NME7: variants seen among roughly 807,000 people sequenced by gnomAD.
NME7 encodes the protein nucleoside diphosphate kinase 7.
A neutral mutation model predicts 49.1 loss-of-function variants in NME7; 41 were observed. That is an observed-to-expected ratio of 0.83 (90% CI 0.65 to 1.08). The LOEUF (loss-of-function observed/expected upper bound fraction) is 1.08, where lower values mean the gene tolerates loss of function less well. Among genes scored for constraint, NME7 ranks in the 50% least tolerant of loss-of-function variants. The pLI is 0.00. For missense variants in NME7, 423 were observed against 463.4 expected, an observed-to-expected ratio of 0.91 and a Z score of 0.80; for synonymous variants, 139 against 150.6, an observed-to-expected ratio of 0.92 and a Z score of 0.56.
chr1:169,292,252 T>C (rs1650535532), intron 6 of NME7, among the ~76,000 whole-genome samples: 1 of 152,122 alleles, frequency 6.6e-6, no homozygotes, highest in African/African-American at 2.4e-5. Flanking sequence ...TAATGAAATA[T>C]TGGTGACCTT....
intron 1 of NME7, among the ~76,000 whole-genome samples, chr1:169,327,654 T>C (rs1652110238): frequency 6.6e-6 from 1 of 152,206 alleles, no homozygotes; most frequent in Non-Finnish European, 1.5e-5. Context: ...TGTATATAAA[T>C]ATATGTTATT....
At chr1:169,157,928 A>C (rs931154226) in intron 11 of NME7, among the ~76,000 whole-genome samples, 2 of 152,136 alleles carry the variant, frequency 1.3e-5, no homozygotes, top group South Asian at 4.1e-4. Context: ...AATTTGTTTA[A>C]GTTTTGTATA....
intron 1 of NME7, among the ~76,000 whole-genome samples, chr1:169,360,542 A>G: frequency 6.6e-6 from 1 of 152,154 alleles, no homozygotes; most frequent in Non-Finnish European, 1.5e-5. Context: ...CCTGCCTCTC[A>G]GATCTCTTCT....
rs535005833 is a variant in NME7 at position 169,210,132 on chromosome 1, A to C, written c.990+20586T>G. Among the ~76,000 whole-genome samples the C allele has an allele frequency of 3.5e-4, 53 of 152,292 alleles. No homozygotes were observed. The South Asian group carries it at 0.011, about 31-fold the overall frequency. ...CAGTGTATTTAATAATTTTAGTCAA[A>C]TAAAACTGAGTAAATCTCAATCTAA... On this transcript the variant is annotated intron_variant, in intron 10 of 11. Coordinates refer to ENST00000367811, the MANE Select transcript of NME7 (RefSeq NM_013330.5).
At chr1:169,341,173 C>T (rs1027220576) in intron 1 of NME7, among the ~76,000 whole-genome samples, 2 of 152,264 alleles carry the variant, frequency 1.3e-5, no homozygotes, top group Non-Finnish European at 1.5e-5. Context: ...GGCCTGGGGC[C>T]CCACTGCTCT....
intron 10 of NME7, among the ~76,000 whole-genome samples, chr1:169,209,790 T>C (rs547217542): frequency 1.5e-4 from 23 of 152,240 alleles, no homozygotes; most frequent in Non-Finnish European, 2.9e-4. Context: ...CTTTCCTCTT[T>C]GCATTGTAGG....
At chr1:169,290,848 T>C (rs956962061) in intron 6 of NME7, among the ~76,000 whole-genome samples, 3 of 152,054 alleles carry the variant, frequency 2.0e-5, no homozygotes, top group Non-Finnish European at 4.4e-5. Flanking sequence ...CATCAAAAAG[T>C]GGGCAAAGTA....
In NME7 at chr1:169,334,890, C is replaced by T. The variant is rs573085244; in HGVS notation, c.4-10390G>A. Among the ~76,000 whole-genome samples, 3 of 152,036 alleles carry T rather than the reference C, an allele frequency of 2.0e-5. 1 individual carries two copies. The South Asian group carries it at 6.2e-4, about 32-fold the overall frequency. On this transcript the variant is annotated intron_variant, in intron 1 of 11. Coordinates refer to ENST00000367811, the MANE Select transcript of NME7 (RefSeq NM_013330.5). Reference sequence around the variant, plus strand: ...ATAAGAAAAAAACAAACAACCCCATCCAAAAGTGGGCAAAGGATATGAACA... The same window carrying T: ...ATAAGAAAAAAACAAACAACCCCATTCAAAAGTGGGCAAAGGATATGAACA...
At chr1:169,147,454 C>A (rs1244544089) in intron 11 of NME7, among the ~76,000 whole-genome samples, 1 of 152,174 alleles carries the variant, frequency 6.6e-6, no homozygotes, top group Non-Finnish European at 1.5e-5. Flanking sequence ...TATGTTCTAG[C>A]TGTGTGGCCC....
intron 10 of NME7, among the ~76,000 whole-genome samples, chr1:169,178,723 T>C (rs930756526): frequency 6.6e-6 from 1 of 152,106 alleles, no homozygotes; most frequent in Non-Finnish European, 1.5e-5. Flanking sequence ...ACTTAGTAAG[T>C]ACCTTTTTGC....
intron 10 of NME7, among the ~76,000 whole-genome samples, chr1:169,183,209 T>A (rs150974698): frequency 2.0e-4 from 30 of 152,340 alleles, no homozygotes; most frequent in Non-Finnish European, 4.1e-4. Context: ...ATAAATGACT[T>A]TTCCAGTTGA....
intron 10 of NME7, among the ~76,000 whole-genome samples, chr1:169,187,787 G>A (rs1660114636): frequency 6.6e-6 from 1 of 152,086 alleles, no homozygotes; most frequent in Non-Finnish European, 1.5e-5. Flanking sequence ...ATTTGATCCT[G>A]TCATTAGCTA....
At chr1:169,141,523 T>C (rs1176969869) in intron 11 of NME7, among the ~76,000 whole-genome samples, 1 of 152,196 alleles carries the variant, frequency 6.6e-6, no homozygotes, top group East Asian at 1.9e-4. Context: ...GGGCCAAGAC[T>C]GCTGTCTACG....
intron 10 of NME7, among the ~76,000 whole-genome samples, chr1:169,201,734 C>T (rs1660557159): frequency 6.6e-6 from 1 of 152,064 alleles, no homozygotes; most frequent in Admixed American, 6.5e-5. Context: ...ATCTGCTTGC[C>T]TGTAGGATTG....
At chr1:169,162,840 AAATAAT>A (rs558013230) in intron 11 of NME7, among the ~76,000 whole-genome samples, 2 of 152,114 alleles carry the variant, frequency 1.3e-5, no homozygotes, top group African/African-American at 4.8e-5. Flanking sequence ...CCTTGTCTCA[AAATAAT>A]AATAATAATA....
intron 11 of NME7, among the ~76,000 whole-genome samples, chr1:169,162,637 A>T (rs1051792736): frequency 6.6e-6 from 1 of 152,136 alleles, no homozygotes; most frequent in Non-Finnish European, 1.5e-5. Flanking sequence ...CAAATCCAGG[A>T]GTTCAAGACC....
chr1:169,189,601 G>C (rs1458991395), intron 10 of NME7, among the ~76,000 whole-genome samples: 1 of 152,140 alleles, frequency 6.6e-6, no homozygotes, highest in Non-Finnish European at 1.5e-5. Flanking sequence ...GACTAATATA[G>C]ATAGAAAGAG....
At chr1:169,308,565 C>T (rs928999347) in intron 4 of NME7, among the ~76,000 whole-genome samples, 6 of 152,276 alleles carry the variant, frequency 3.9e-5, no homozygotes, top group African/African-American at 1.4e-4. Context: ...CCTTCTTCAT[C>T]TTCCAGAATG....
chr1:169,254,329 C>T (rs1470715356), intron 7 of NME7, among the ~76,000 whole-genome samples: 1 of 151,894 alleles, frequency 6.6e-6, no homozygotes, highest in Non-Finnish European at 1.5e-5. Flanking sequence ...CATTTCTTCT[C>T]GATTTTCTAG....
Sources: allele counts gnomAD v4.1 joint callset (sites outside exome capture counted in the v4.1 genomes callset), GRCh38; gene constraint gnomAD v4.1.1; transcripts MANE v1.5; gene names NCBI Gene and HGNC (gene_info 2026-07-23, HGNC 2026-07-21).